SYNE1: variants seen among roughly 807,000 people sequenced by gnomAD.
SYNE1 encodes the protein spectrin repeat containing nuclear envelope protein 1, also known as nesprin-1.
A neutral mutation model predicts 1,111.0 loss-of-function variants in SYNE1; 616 were observed. That is an observed-to-expected ratio of 0.55 (90% confidence interval 0.52 to 0.59). The LOEUF is 0.59. Among genes scored for constraint, SYNE1 ranks in the 20% least tolerant of loss-of-function variants. The probability of loss-of-function intolerance (pLI) is 0.00; values close to 1 mark genes in which losing one functional copy is unlikely to be tolerated. For synonymous variants in SYNE1, 3,855 were observed against 3,825.8 expected, an observed-to-expected ratio of 1.01 and a Z score of -0.28; for missense variants, 10,006 against 10,417.0, an observed-to-expected ratio of 0.96 and a Z score of 1.72.
At chr6:152,567,856 G>T (rs897120747) in intron 3 of SYNE1, among the ~76,000 whole-genome samples, 5 of 152,076 alleles carry the variant, frequency 3.3e-5, no homozygotes, top group African/African-American at 1.2e-4. Context: ...AAAATAAAAT[G>T]TAAAAGGTGC....
At chr6:152,504,546 A>G (rs2154330435) in intron 9 of SYNE1, among the ~76,000 whole-genome samples, 1 of 152,344 alleles carries the variant, frequency 6.6e-6, no homozygotes, top group South Asian at 2.1e-4. Context: ...ATTCACTGGT[A>G]GAAATGTCCA....
intron 127 of SYNE1, among the ~76,000 whole-genome samples, chr6:152,200,375 G>A (rs1017561319): frequency 6.6e-6 from 1 of 152,132 alleles, no homozygotes; most frequent in Non-Finnish European, 1.5e-5. Flanking sequence ...GCCCATTCCT[G>A]CTTTGCAGAA....
chr6:152,582,745 CT>C (rs887766489), intron 3 of SYNE1, among the ~76,000 whole-genome samples: 2 of 151,972 alleles, frequency 1.3e-5, no homozygotes, highest in Non-Finnish European at 1.5e-5. Context: ...CCATCCTTCC[CT>C]TTTTTGGAGT....
At chr6:152,497,487 C>T (rs2099005973) in intron 11 of SYNE1, among the ~76,000 whole-genome samples, 1 of 152,154 alleles carries the variant, frequency 6.6e-6, no homozygotes, top group Non-Finnish European at 1.5e-5. Flanking sequence ...TCAGTGTGGC[C>T]ACCAGAAGTG....
chr6:152,181,352 C>T (rs1484587232), intron 128 of SYNE1, among the ~76,000 whole-genome samples: 1 of 152,138 alleles, frequency 6.6e-6, no homozygotes, highest in Non-Finnish European at 1.5e-5. Context: ...GCAGAGGTTG[C>T]AGTGAGCCGA....
chr6:152,241,808 G>C (rs951073652), intron 107 of SYNE1, among the ~76,000 whole-genome samples: 3 of 152,140 alleles, frequency 2.0e-5, no homozygotes, highest in African/African-American at 7.2e-5. Context: ...AGTCCTTGAC[G>C]AGGACAAGGG....
At chr6:152,317,132 TC>T in intron 86 of SYNE1, 146 bp from the exon 87 acceptor site, 1 of 977,724 alleles carries the variant, frequency 1.0e-6, no homozygotes, top group Non-Finnish European at 1.5e-6. Context: ...AAAGATCGTT[TC>T]CCTGTTAAAA....
chr6:152,224,959 G>GTATATATATGTA (rs2081181302), intron 116 of SYNE1, among the ~76,000 whole-genome samples: 2 of 145,336 alleles, frequency 1.4e-5, no homozygotes, highest in South Asian at 4.2e-4. Flanking sequence ...ATATATATGT[G>GTATATATATGTA]TATATATATA....
chr6:152,218,893 G>T, intron 120 of SYNE1, 110 bp downstream of exon 120: 1 of 1,155,540 alleles, frequency 8.7e-7, no homozygotes, highest in Non-Finnish European at 1.3e-6. Flanking sequence ...CTATTTTCTT[G>T]AGTCTTGAAG....
At chr6:152,150,961 C>A (rs2060303336) in intron 135 of SYNE1, among the ~76,000 whole-genome samples, 1 of 152,126 alleles carries the variant, frequency 6.6e-6, no homozygotes, top group Non-Finnish European at 1.5e-5. Context: ...CCTGTAATCC[C>A]AGCACTTTGG....
chr6:152,325,943 G>A lies in SYNE1; in HGVS notation c.15438+15C>T, dbSNP rs1282385275. The A allele has an allele frequency of 1.2e-6, 2 of 1,613,614 alleles. No individual in the cohort carries two copies. Among genetic ancestry groups the A allele is most frequent in the South Asian group, 2.2e-5 (2 of 91,050 alleles). The stretch of plus-strand genomic sequence containing the variant: ...ATAGAAAAAGGATTTTTTTTAAATG[G>A]CCCAAAACTCTGACCTTGTGTTCTG... On this transcript the variant is annotated intron_variant, in intron 80 of 145. Transcript: ENST00000367255.
At chr6:152,459,269 A>G (rs577464279) in intron 21 of SYNE1, among the ~76,000 whole-genome samples, 1 of 152,300 alleles carries the variant, frequency 6.6e-6, no homozygotes, top group Non-Finnish European at 1.5e-5. Flanking sequence ...ACTCATTTTC[A>G]CTTTGGCCTT....
chr6:152,313,647 G>C (rs2095622504), intron 87 of SYNE1, among the ~76,000 whole-genome samples: 1 of 151,938 alleles, frequency 6.6e-6, no homozygotes, highest in African/African-American at 2.4e-5. Context: ...ATTTTTAGTA[G>C]AGAATGGGGT....
At chr6:152,369,899 C>T (rs1475935914) in intron 59 of SYNE1, among the ~76,000 whole-genome samples, 1 of 135,990 alleles carries the variant, frequency 7.4e-6, no homozygotes, top group African/African-American at 2.7e-5. Flanking sequence ...AGGAGAATTG[C>T]TTGAATCCAG....
chr6:152,299,878 T>C (rs140237862), intron 93 of SYNE1, among the ~76,000 whole-genome samples: 1 of 152,348 alleles, frequency 6.6e-6, no homozygotes, highest in East Asian at 1.9e-4. Flanking sequence ...TAGAATAGTT[T>C]ACATTTTTTA....
At position 152,219,149 on chromosome 6, in the gene SYNE1, G is replaced by C. The variant is rs750071505; in HGVS notation, c.21898C>G (p.Leu7300Val). Reference sequence around the variant, plus strand: ...TCTCCCAGCTCATGGAGAAAAAAGAGGGAATCTTTAACTGTGCCCAGTCCT... The same window carrying C: ...TCTCCCAGCTCATGGAGAAAAAAGACGGAATCTTTAACTGTGCCCAGTCCT... ...LKGLGTVKDS[L>V]FFLHELGEQL... Residue 7300 changes from leucine (L) to valine (V), a missense_variant, in exon 120 of 146, where the codon CTC becomes GTC. Leu to Val is a conservative substitution (Grantham distance 32, BLOSUM62 1). Transcript: ENST00000367255. 1 of 1,614,014 alleles carries C rather than the reference G, an allele frequency of 6.2e-7. No individual in the cohort carries two copies. The highest frequency in any genetic ancestry group is 8.5e-7 in the Non-Finnish European group (1 of 1,179,970).
intron 42 of SYNE1, chr6:152,410,269 A>T (rs556997339): frequency 6.5e-6 from 1 of 153,428 alleles, no homozygotes; most frequent in Admixed American, 6.5e-5. Context: ...TTATAAAAAT[A>T]AGGTAGTCTG....
intron 111 of SYNE1, 118 bp downstream of exon 111, chr6:152,234,550 C>T (rs2083547089): frequency 1.6e-6 from 2 of 1,234,002 alleles, no homozygotes; most frequent in African/African-American, 1.5e-5. Context: ...GCTTGGCCTC[C>T]CAAAGTGTGG....
chr6:152,182,371 A>T (rs1233223172), intron 128 of SYNE1, among the ~76,000 whole-genome samples: 1 of 152,178 alleles, frequency 6.6e-6, no homozygotes. Flanking sequence ...CTATTCCACT[A>T]TTCATTCCAC....
Sources: gnomAD v4.1 joint callset for allele counts (sites outside exome capture counted in the v4.1 genomes callset) on GRCh38, gnomAD v4.1.1 for gene constraint, MANE v1.5 for transcripts, NCBI Gene and HGNC (gene_info 2026-07-23, HGNC 2026-07-21) for gene names.